Variants in ASIC2 observed in about 807,000 individuals in gnomAD.
The protein encoded by ASIC2 is acid sensing ion channel subunit 2.
Under a neutral mutation model 57.3 loss-of-function variants are expected in ASIC2, and 25 were observed. The ratio of observed to expected loss-of-function variants is 0.44; its 90% CI spans 0.32 to 0.61. The LOEUF is 0.61. ASIC2 is among the 20% of genes least tolerant of loss of function. The pLI, the probability that ASIC2 is intolerant of heterozygous loss-of-function variation, is 0.06. For synonymous variants in ASIC2, 319 were observed against 307.5 expected, an observed-to-expected ratio of 1.04 and a Z score of -0.39; for missense variants, 641 against 738.1, an observed-to-expected ratio of 0.87 and a Z score of 1.52.
intron 1 of ASIC2, among the ~76,000 whole-genome samples, chr17:33,884,797 A>C (rs186538978): frequency 2.8e-4 from 43 of 152,298 alleles, no homozygotes; most frequent in Admixed American, 1.8e-3. Flanking sequence ...AGCCCAAAGA[A>C]TATAATCAAA....
intron 1 of ASIC2, among the ~76,000 whole-genome samples, chr17:33,270,435 T>C (rs1355496002): frequency 6.6e-6 from 1 of 152,202 alleles, no homozygotes. Context: ...GTGGTCTTTC[T>C]GAAATGCAAA....
At chr17:33,517,360 C>A (rs1340354221) in intron 1 of ASIC2, among the ~76,000 whole-genome samples, 1 of 152,216 alleles carries the variant, frequency 6.6e-6, no homozygotes, top group African/African-American at 2.4e-5. Flanking sequence ...AAGTGATCGA[C>A]CCACCTCGGC....
chr17:33,425,965 G>A (rs1287365604), intron 1 of ASIC2, among the ~76,000 whole-genome samples: 3 of 152,100 alleles, frequency 2.0e-5, no homozygotes, highest in Non-Finnish European at 4.4e-5. Flanking sequence ...TGAAGCGCAG[G>A]GACTCTGGAG....
intron 1 of ASIC2, among the ~76,000 whole-genome samples, chr17:33,748,077 C>T (rs759709931): frequency 7.9e-5 from 12 of 152,220 alleles, no homozygotes; most frequent in African/African-American, 2.2e-4. Flanking sequence ...AGAGAGCGCA[C>T]GCCTTGAATG....
At chr17:33,696,762 A>C (rs1908541251) in intron 1 of ASIC2, among the ~76,000 whole-genome samples, 1 of 152,230 alleles carries the variant, frequency 6.6e-6, no homozygotes, top group African/African-American at 2.4e-5. Context: ...TTTATGTTAC[A>C]TGTATTGTAT....
intron 1 of ASIC2, among the ~76,000 whole-genome samples, chr17:33,237,739 G>A (rs1253025737): frequency 6.6e-6 from 1 of 152,202 alleles, no homozygotes; most frequent in Non-Finnish European, 1.5e-5. Context: ...AGGATTAAAC[G>A]AGGTATGCAA....
chr17:33,220,531 A>G (rs2142096970), intron 1 of ASIC2, among the ~76,000 whole-genome samples: 1 of 152,282 alleles, frequency 6.6e-6, no homozygotes, highest in East Asian at 1.9e-4. Flanking sequence ...CTATTATAGC[A>G]TCTGTATGAC....
chr17:33,386,005 A>G (rs1195206257), intron 1 of ASIC2, among the ~76,000 whole-genome samples: 2 of 152,236 alleles, frequency 1.3e-5, no homozygotes, highest in Non-Finnish European at 2.9e-5. Context: ...CTACCTTGGC[A>G]GTTGTCTGTT....
chr17:34,114,629 C>G (rs922359236), intron 1 of ASIC2, among the ~76,000 whole-genome samples: 1 of 152,174 alleles, frequency 6.6e-6, no homozygotes, highest in Non-Finnish European at 1.5e-5. Context: ...TGCCCAATAC[C>G]TGGTACCTAG....
chr17:33,615,261 T>TA (rs886371873), intron 1 of ASIC2, among the ~76,000 whole-genome samples: 2 of 152,216 alleles, frequency 1.3e-5, no homozygotes, highest in African/African-American at 4.8e-5. Context: ...AATTTTTCCA[T>TA]AAAAATTGTG....
chr17:33,494,461 A>C (rs1913862900), intron 1 of ASIC2, among the ~76,000 whole-genome samples: 1 of 152,200 alleles, frequency 6.6e-6, no homozygotes, highest in East Asian at 1.9e-4. Context: ...CTCCTCTTGC[A>C]AAAGGAGCAT....
At chr17:33,082,800 G>T (rs187678653) in intron 3 of ASIC2, among the ~76,000 whole-genome samples, 164 of 152,258 alleles carry the variant, frequency 1.1e-3, no homozygotes, top group South Asian at 5.6e-3. Flanking sequence ...AAGACAGCTT[G>T]GTGCTGTCCC....
chr17:33,046,843 C>T (rs2091957260), intron 3 of ASIC2, among the ~76,000 whole-genome samples: 2 of 152,218 alleles, frequency 1.3e-5, no homozygotes. Flanking sequence ...AACACTCCAC[C>T]AGGGAGGCCG....
intron 1 of ASIC2, among the ~76,000 whole-genome samples, chr17:34,064,879 G>A (rs1444761858): frequency 6.6e-6 from 1 of 152,134 alleles, no homozygotes; most frequent in African/African-American, 2.4e-5. Flanking sequence ...TAAAAAAACA[G>A]TAGATGTTAG....
At chr17:33,368,040 G>T (rs1044891346) in intron 1 of ASIC2, among the ~76,000 whole-genome samples, 2 of 152,112 alleles carry the variant, frequency 1.3e-5, no homozygotes, top group Admixed American at 1.3e-4. Context: ...TGGACTCATG[G>T]ATATGTATCC....
chr17:33,437,335 G>A (rs1416382348), intron 1 of ASIC2, among the ~76,000 whole-genome samples: 2 of 152,156 alleles, frequency 1.3e-5, no homozygotes, highest in African/African-American at 4.8e-5. Flanking sequence ...TAGTCACTAT[G>A]CACACTTGAG....
chr17:33,588,314 G>A (rs8072464), intron 1 of ASIC2, among the ~76,000 whole-genome samples: 18,392 of 152,132 alleles, frequency 0.12, 1,568 homozygotes, highest in East Asian at 0.3. Context: ...TTGTTTGTCT[G>A]TTGCTCTGTT....
chr17:34,145,894 T>G (rs1180856566), intron 1 of ASIC2, among the ~76,000 whole-genome samples: 1 of 152,232 alleles, frequency 6.6e-6, no homozygotes, highest in Non-Finnish European at 1.5e-5. Flanking sequence ...CTTCATGGCT[T>G]GAAGCCAGGC....
chr17:33,414,208 G>A (rs1323228997), intron 1 of ASIC2, among the ~76,000 whole-genome samples: 1 of 152,178 alleles, frequency 6.6e-6, no homozygotes, highest in African/African-American at 2.4e-5. Flanking sequence ...TTAAGAAAAG[G>A]AGCTAGTCAG....
Sources: allele counts gnomAD v4.1 joint callset (sites outside exome capture counted in the v4.1 genomes callset), GRCh38; gene constraint gnomAD v4.1.1; transcripts MANE v1.5; gene names NCBI Gene and HGNC (gene_info 2026-07-23, HGNC 2026-07-21).